Variants in MMAA observed in about 807,000 individuals in gnomAD.
The protein encoded by MMAA is methylmalonic aciduria type A protein, mitochondrial.
A neutral mutation model predicts 45.0 loss-of-function variants in MMAA; 41 were observed. The ratio of observed to expected loss-of-function variants is 0.91; its 90% CI spans 0.71 to 1.18. The LOEUF (loss-of-function observed/expected upper bound fraction) is 1.18. MMAA is among the 50% of genes most tolerant of loss of function. The pLI, the probability that MMAA is intolerant of heterozygous loss-of-function variation, is 0.00. For missense variants in MMAA, 460 were observed against 495.7 expected, an observed-to-expected ratio of 0.93 and a Z score of 0.68; for synonymous variants, 154 against 178.2, an observed-to-expected ratio of 0.86 and a Z score of 1.08.
intron 1 of MMAA, chr4:145,624,388 A>C (rs1734153842): frequency 2.6e-6 from 2 of 782,390 alleles, no homozygotes; most frequent in Admixed American, 3.5e-5. Context: ...AGCAGGAGCC[A>C]GTCAGCTGTG....
At chr4:145,622,540 G>T (rs1390133446) in intron 1 of MMAA, among the ~76,000 whole-genome samples, 1 of 152,016 alleles carries the variant, frequency 6.6e-6, no homozygotes, top group African/African-American at 2.4e-5. Flanking sequence ...GTAGGATGAA[G>T]CCATATTCTC....
rs758937804 is a variant in MMAA, at chr4:145,639,102, C to T, written c.-38C>T. The T allele has an allele frequency of 8.1e-6, 13 of 1,601,960 alleles. No homozygotes were observed. The highest frequency in any genetic ancestry group is 1.6e-4 in the Middle Eastern group (1 of 6,070). ...AGGTCACAATCACATTGAGCCAAAA[C>T]GCATCCAGTGTTTTCTCCAGTTACA... On this transcript the variant is annotated 5_prime_UTR_variant, in exon 2 of 7. In the 5' UTR this introduces an upstream ATG that the reference lacks. Coordinates refer to ENST00000649156, the MANE Select transcript of MMAA (RefSeq NM_172250.3).
At chr4:145,647,204 G>T (rs1394624839) in intron 4 of MMAA, among the ~76,000 whole-genome samples, 1 of 152,192 alleles carries the variant, frequency 6.6e-6, no homozygotes, top group Non-Finnish European at 1.5e-5. Context: ...TTTTATCCAT[G>T]ATAAGATGTG....
rs1728168081 is a variant in MMAA, at chr4:145,654,153, C to T, written c.969+10C>T. ...AGTCTGGAAACCAAAGGTAAGCTTGCTTGCATTCTGTATCTTTCACTCTGA... is the reference window on the plus strand; with the variant it reads ...AGTCTGGAAACCAAAGGTAAGCTTGTTTGCATTCTGTATCTTTCACTCTGA... On this transcript the variant is annotated intron_variant, in intron 6 of 6. Transcript: ENST00000649156. 6.2e-7 allele frequency: 1 copy of T among 1,614,032 alleles called. No individual in the cohort carries two copies.
Position 145,650,544 on chromosome 4 carries a change from T to A in MMAA, c.734-518T>A, listed in dbSNP as rs576712920. On this transcript the variant is annotated intron_variant, in intron 4 of 6. Coordinates refer to ENST00000649156, the MANE Select transcript of MMAA (RefSeq NM_172250.3). ...CGAGGGCATTTAGGGAGATTGCTTT[T>A]GCCAGGCCGTAAGGAAGATGTAGCA... 7.9e-5 allele frequency: 13 copies of A among 164,580 alleles called. No individual in the cohort carries two copies. In the South Asian group the frequency reaches 2.1e-3, roughly 27 times the overall value. 10.2% of individuals were successfully genotyped at this position (164,580 alleles called of 1,614,324 possible). A position where few individuals can be genotyped will look rare whatever the true frequency, so the allele number is the denominator to read the frequency against.
rs1727673433 is a variant in MMAA, at chr4:145,638,208, A to G, written c.-65-867A>G. 3.3e-5 allele frequency among the ~76,000 whole-genome samples: 5 copies of G among 152,098 alleles called. 1 individual carries two copies. The South Asian group carries it at 1.0e-3, about 32-fold the overall frequency. The stretch of plus-strand genomic sequence containing the variant: ...CACAGTGAAACCCTGTCTCTACTAA[A>G]AATACAAAAAATTAGCCGGGCGTGG... On this transcript the variant is annotated intron_variant, in intron 1 of 6. Coordinates refer to ENST00000649156, the MANE Select transcript of MMAA (RefSeq NM_172250.3).
chr4:145,656,411 A>T lies in MMAA; in HGVS notation c.*977A>T, dbSNP rs1483058168. The T allele has an allele frequency of 2.0e-5, 3 of 152,084 alleles. No individual in the cohort carries two copies. Among genetic ancestry groups the T allele is most frequent in the African/African-American group, 7.2e-5 (3 of 41,406 alleles). 9.4% of individuals were successfully genotyped at this position (152,084 alleles called of 1,614,324 possible). On this transcript the variant is annotated 3_prime_UTR_variant, in exon 7 of 7. Coordinates refer to ENST00000649156, the MANE Select transcript of MMAA (RefSeq NM_172250.3). Reference sequence around the variant, plus strand: ...CATGAGCTAATCTCTTTAAGCTTCCATTTCCTCCCTGGTAAAATGAAATTG... The same window carrying T: ...CATGAGCTAATCTCTTTAAGCTTCCTTTTCCTCCCTGGTAAAATGAAATTG...
chr4:145,634,570 A>G (rs1339599185), intron 1 of MMAA, among the ~76,000 whole-genome samples: 1 of 151,928 alleles, frequency 6.6e-6, no homozygotes, highest in Non-Finnish European at 1.5e-5. Flanking sequence ...TGGCCAGGCT[A>G]GTACCTAACA....
chr4:145,629,234 C>G (rs1734271991), intron 1 of MMAA, among the ~76,000 whole-genome samples: 2 of 152,138 alleles, frequency 1.3e-5, no homozygotes, highest in Admixed American at 6.5e-5. Context: ...GCGTTCACGC[C>G]ATTCTCCTGC....
chr4:145,620,242 A>G (rs1374322930), intron 1 of MMAA, among the ~76,000 whole-genome samples: 2 of 152,234 alleles, frequency 1.3e-5, no homozygotes, highest in African/African-American at 2.4e-5. Flanking sequence ...TAAAAAGTCA[A>G]AGACAAGGAC....
intron 1 of MMAA, among the ~76,000 whole-genome samples, chr4:145,621,596 G>C (rs540600942): frequency 1.3e-5 from 2 of 152,142 alleles, no homozygotes; most frequent in Non-Finnish European, 2.9e-5. Flanking sequence ...TGTGGTTGGG[G>C]GGGGTGGAAT....
chr4:145,649,182 C>T (rs1237976331), intron 4 of MMAA, among the ~76,000 whole-genome samples: 1 of 151,408 alleles, frequency 6.6e-6, no homozygotes, highest in Non-Finnish European at 1.5e-5. Context: ...CCTGTAGTTC[C>T]ATCTATTCAG....
rs952345784 is a variant in MMAA, at chr4:145,659,124, A to T, written c.*3690A>T. 2 of 151,548 alleles carry T rather than the reference A, an allele frequency of 1.3e-5. No individual in the cohort carries two copies. Among genetic ancestry groups the T allele is most frequent in the Non-Finnish European group, 2.9e-5 (2 of 67,882 alleles). 9.4% of individuals were successfully genotyped at this position (151,548 alleles called of 1,614,324 possible). A position where few individuals can be genotyped will look rare whatever the true frequency, so the allele number is the denominator to read the frequency against. On this transcript the variant is annotated 3_prime_UTR_variant, in exon 7 of 7. Transcript: ENST00000649156. ...TCCTTTAAAAGGAACAATCAGAAAA[A>T]CTCTTTAACAAATGTTTTTCTTTCC...
At chr4:145,631,237 A>C (rs1409769181) in intron 1 of MMAA, among the ~76,000 whole-genome samples, 1 of 152,180 alleles carries the variant, frequency 6.6e-6, no homozygotes, top group Non-Finnish European at 1.5e-5. Context: ...TCCAATACTG[A>C]AAGTGGGGTG....
At chr4:145,643,297 A>G (rs1221501883) in intron 3 of MMAA, among the ~76,000 whole-genome samples, 1 of 152,192 alleles carries the variant, frequency 6.6e-6, no homozygotes, top group Admixed American at 6.5e-5. Context: ...GAAGGTTCTT[A>G]AACTGTGTTA....
intron 1 of MMAA, among the ~76,000 whole-genome samples, chr4:145,633,012 G>A (rs1340795609): frequency 2.0e-5 from 3 of 151,598 alleles, no homozygotes; most frequent in Admixed American, 2.0e-4. Flanking sequence ...CTCCCAAAGT[G>A]CTGAGATTAC....
intron 1 of MMAA, among the ~76,000 whole-genome samples, chr4:145,635,176 T>C (rs565546216): frequency 9.9e-5 from 15 of 152,160 alleles, no homozygotes; most frequent in Admixed American, 2.6e-4. Flanking sequence ...AGACTGCCAT[T>C]AAAGTTTAAT....
chr4:145,631,416 T>C (rs760444002), intron 1 of MMAA, among the ~76,000 whole-genome samples: 1 of 152,192 alleles, frequency 6.6e-6, no homozygotes, highest in Non-Finnish European at 1.5e-5. Flanking sequence ...TTGTCTCTTC[T>C]TACAGTTTTT....
At chr4:145,630,680 A>C (rs1338382269) in intron 1 of MMAA, among the ~76,000 whole-genome samples, 1 of 152,168 alleles carries the variant, frequency 6.6e-6, no homozygotes, top group South Asian at 2.1e-4. Flanking sequence ...GTGAGCCGAG[A>C]TCGCACCATT....
Sources: gnomAD v4.1 joint callset for allele counts (sites outside exome capture counted in the v4.1 genomes callset) on GRCh38, gnomAD v4.1.1 for gene constraint, MANE v1.5 for transcripts, NCBI Gene and HGNC (gene_info 2026-07-23, HGNC 2026-07-21) for gene names.